Variants in CADM2 observed in about 807,000 individuals in gnomAD.
The protein encoded by CADM2 is cell adhesion molecule 2.
In CADM2, 12 loss-of-function variants were observed where a neutral mutation model predicts 49.8. The observed-to-expected ratio is 0.24, with a 90% confidence interval of 0.15 to 0.39. The LOEUF is 0.39. Ranked by LOEUF, CADM2 falls within the 10% of genes least tolerant of loss-of-function variation. The pLI is 1.00. For synonymous variants in CADM2, 214 were observed against 175.4 expected (o/e 1.22, Z -1.74); for missense variants, 378 against 492.3 (o/e 0.77, Z 2.20).
intron 5 of CADM2, among the ~76,000 whole-genome samples, chr3:85,908,215 A>T (rs1415610728): frequency 6.7e-6 from 1 of 148,702 alleles, no homozygotes; most frequent in African/African-American, 2.5e-5. Flanking sequence ...AAAAAATTGG[A>T]TGCAAGAAAA....
chr3:85,697,439 A>G (rs1213647233), intron 1 of CADM2, among the ~76,000 whole-genome samples: 1 of 152,032 alleles, frequency 6.6e-6, no homozygotes, highest in African/African-American at 2.4e-5. Flanking sequence ...ATCCCAATTT[A>G]TTTTCTTCTC....
intron 1 of CADM2, among the ~76,000 whole-genome samples, chr3:85,574,655 A>G (rs182622620): frequency 6.6e-6 from 1 of 152,312 alleles, no homozygotes; most frequent in Non-Finnish European, 1.5e-5. Flanking sequence ...CCGAAGTAAA[A>G]CAAAAATTCC....
Position 85,206,235 on chromosome 3 carries a change from A to G in CADM2, c.61+246567A>G, listed in dbSNP as rs571336911. ...CATAAGTATTTGATCATTGAAGTCA[A>G]TGACTCTTTTATAAGTGAAATCTTG... is the stretch of plus-strand genomic sequence containing the variant. On this transcript the variant is annotated intron_variant, in intron 1 of 9. Coordinates refer to ENST00000383699, the MANE Select transcript of CADM2 (RefSeq NM_001167675.2). Among the ~76,000 whole-genome samples, 6 of 152,050 alleles carry G rather than the reference A, an allele frequency of 3.9e-5. No individual in the cohort carries two copies. The South Asian group carries it at 6.2e-4, about 16-fold the overall frequency.
chr3:85,061,191 G>A (rs1039760121), intron 1 of CADM2, among the ~76,000 whole-genome samples: 2 of 152,052 alleles, frequency 1.3e-5, no homozygotes, highest in African/African-American at 4.8e-5. Flanking sequence ...CTCCAGCATA[G>A]TATTTATTAT....
chr3:85,049,488 T>C (rs1056318115), intron 1 of CADM2, among the ~76,000 whole-genome samples: 4 of 151,868 alleles, frequency 2.6e-5, no homozygotes, highest in African/African-American at 4.8e-5. Context: ...GTAACTGGGA[T>C]TACAGGCTCA....
chr3:85,834,363 G>A (rs759372107), intron 3 of CADM2, among the ~76,000 whole-genome samples: 12 of 151,494 alleles, frequency 7.9e-5, no homozygotes, highest in Non-Finnish European at 1.2e-4. Context: ...ATTGGTTAGC[G>A]TTTTTAACTA....
At chr3:85,655,799 C>G (rs1331192197) in intron 1 of CADM2, among the ~76,000 whole-genome samples, 1 of 152,132 alleles carries the variant, frequency 6.6e-6, no homozygotes, top group Non-Finnish European at 1.5e-5. Flanking sequence ...TTCTTGGGCC[C>G]CATTCCCCAA....
chr3:85,092,074 A>G (rs2037617641), intron 1 of CADM2, among the ~76,000 whole-genome samples: 1 of 152,136 alleles, frequency 6.6e-6, no homozygotes, highest in Non-Finnish European at 1.5e-5. Flanking sequence ...AGATGTAAGA[A>G]CTTTCGCTCT....
chr3:85,112,624 T>A (rs1171217110), intron 1 of CADM2, among the ~76,000 whole-genome samples: 1 of 151,854 alleles, frequency 6.6e-6, no homozygotes, highest in Non-Finnish European at 1.5e-5. Flanking sequence ...GTACTATATA[T>A]AAAATACTTT....
rs933026497 is a variant in CADM2 at position 86,027,568 on chromosome 3, A to C, written c.971-38037A>C. Among the ~76,000 whole-genome samples the C allele has an allele frequency of 5.9e-5, 9 of 152,184 alleles. No individual in the cohort carries two copies. The East Asian group carries it at 1.7e-3, about 29-fold the overall frequency. Reference sequence around the variant, plus strand: ...AGCAGCAAAACATCCATTTCCTTATAATTGATTCTCAAGTTTATTTAAAAC... The same window carrying C: ...AGCAGCAAAACATCCATTTCCTTATCATTGATTCTCAAGTTTATTTAAAAC... On this transcript the variant is annotated intron_variant, in intron 8 of 9. Transcript: ENST00000383699.
At position 85,918,330 on chromosome 3, in the gene CADM2, C is replaced by G. The variant is rs1396226416; in HGVS notation, c.700+5787C>G. On this transcript the variant is annotated intron_variant, in intron 6 of 9. Transcript: ENST00000383699. ...CTTATTATTTTGAGATATGTCCTAT[C>G]AACACCTAATTTATTGTGAGTTTTT... Among the ~76,000 whole-genome samples the G allele has an allele frequency of 2.0e-5, 3 of 152,270 alleles. No individual in the cohort carries two copies. The South Asian group carries it at 6.2e-4, about 32-fold the overall frequency.
chr3:86,013,289 G>A, intron 8 of CADM2: 2 of 1,528,638 alleles, frequency 1.3e-6, no homozygotes, highest in East Asian at 2.3e-5. Context: ...GGCAAGATGA[G>A]GACATTTTAC....
chr3:85,701,042 C>T (rs2066736861), intron 1 of CADM2, among the ~76,000 whole-genome samples: 1 of 151,142 alleles, frequency 6.6e-6, no homozygotes, highest in Non-Finnish European at 1.5e-5. Flanking sequence ...TTAATTGTCC[C>T]ATGGTTCTGC....
At chr3:85,721,375 G>A (rs1426066629) in intron 1 of CADM2, among the ~76,000 whole-genome samples, 2 of 152,150 alleles carry the variant, frequency 1.3e-5, no homozygotes, top group South Asian at 2.1e-4. Flanking sequence ...TTCTGTGGCT[G>A]GTGGCACCTT....
intron 7 of CADM2, among the ~76,000 whole-genome samples, chr3:85,955,315 T>C (rs112606950): frequency 0.014 from 2,162 of 151,576 alleles, 48 homozygotes; most frequent in African/African-American, 0.048. Context: ...CCAAGGGGGA[T>C]ATCACTGTTT....
intron 2 of CADM2, among the ~76,000 whole-genome samples, chr3:85,782,308 C>A (rs761718131): frequency 2.0e-5 from 3 of 152,032 alleles, no homozygotes; most frequent in Non-Finnish European, 4.4e-5. Context: ...CTTTTTAACT[C>A]TTTTGTAAAC....
chr3:85,579,994 A>T (rs2062749449), intron 1 of CADM2, among the ~76,000 whole-genome samples: 1 of 152,202 alleles, frequency 6.6e-6, no homozygotes, highest in Non-Finnish European at 1.5e-5. Flanking sequence ...TACATGCCTT[A>T]GAAATGCAAA....
intron 6 of CADM2, 96 bp downstream of exon 6, chr3:85,912,639 G>A (rs557724747): frequency 4.3e-5 from 55 of 1,288,310 alleles, no homozygotes; most frequent in Non-Finnish European, 5.8e-5. Flanking sequence ...TATAGCAAAG[G>A]TGCAGTAAAA....
chr3:85,670,325 A>C (rs1253903225), intron 1 of CADM2, among the ~76,000 whole-genome samples: 1 of 152,188 alleles, frequency 6.6e-6, no homozygotes, highest in Non-Finnish European at 1.5e-5. Flanking sequence ...ACAATAACAC[A>C]TATTTGTTTT....
Sources: gnomAD v4.1 joint callset for allele counts (sites outside exome capture counted in the v4.1 genomes callset) on GRCh38, gnomAD v4.1.1 for gene constraint, MANE v1.5 for transcripts, NCBI Gene and HGNC (gene_info 2026-07-23, HGNC 2026-07-21) for gene names.